The following PARD3B variants were observed in gnomAD, a reference collection of about 807,000 sequenced individuals.
PARD3B encodes par-3 family cell polarity regulator beta.
A neutral mutation model predicts 130.2 loss-of-function variants in PARD3B; 103 were observed. The observed-to-expected ratio is 0.79, with a 90% CI of 0.67 to 0.93. The LOEUF is 0.93. PARD3B is among the 40% of genes least tolerant of loss of function. The pLI is 0.00. For synonymous variants in PARD3B, 583 were observed against 553.2 expected (o/e 1.05, Z -0.76); for missense variants, 1,609 against 1,499.2 (o/e 1.07, Z -1.21).
chr2:204,693,417 T>C, intron 2 of PARD3B, among the ~76,000 whole-genome samples: 1 of 152,028 alleles, frequency 6.6e-6, no homozygotes, highest in East Asian at 1.9e-4. Flanking sequence ...CTTGGCCCTG[T>C]TATTTGTCTA....
At chr2:205,605,431 A>G (rs1184390968) in intron 22 of PARD3B, among the ~76,000 whole-genome samples, 1 of 151,494 alleles carries the variant, frequency 6.6e-6, no homozygotes. Context: ...TGGTGGTGCT[A>G]TTGTTGTTGC....
chr2:204,778,197 C>T (rs1054443246), intron 2 of PARD3B, among the ~76,000 whole-genome samples: 3 of 151,236 alleles, frequency 2.0e-5, no homozygotes, highest in East Asian at 1.9e-4. Flanking sequence ...ATTCTGCTTC[C>T]TTGTGGTCTT....
intron 2 of PARD3B, among the ~76,000 whole-genome samples, chr2:204,778,328 T>A (rs1272351323): frequency 6.6e-6 from 1 of 152,016 alleles, no homozygotes; most frequent in African/African-American, 2.4e-5. Flanking sequence ...ACTTAGTCAC[T>A]TTTATGTTTT....
At chr2:205,447,711 C>T (rs187645507) in intron 20 of PARD3B, among the ~76,000 whole-genome samples, 1 of 152,308 alleles carries the variant, frequency 6.6e-6, no homozygotes, top group African/African-American at 2.4e-5. Flanking sequence ...CTAGCACCTT[C>T]AGTGGTCAAG....
At chr2:204,981,554 T>G (rs909585028) in intron 3 of PARD3B, among the ~76,000 whole-genome samples, 3 of 152,192 alleles carry the variant, frequency 2.0e-5, no homozygotes, top group Non-Finnish European at 4.4e-5. Context: ...AATCTAAAAT[T>G]CATGCATTAA....
At position 204,685,433 on chromosome 2, in the gene PARD3B, C is replaced by T. The variant is rs528046924; in HGVS notation, c.121-748C>T. ...ATAGCTATCCTGGAAATAGGCAGTA[C>T]GTAAGTAACTGAATGAGCTAGATTA... is the stretch of plus-strand genomic sequence containing the variant. On this transcript the variant is annotated intron_variant, in intron 1 of 22. Coordinates refer to ENST00000406610, the MANE Select transcript of PARD3B (RefSeq NM_001302769.2). Among the ~76,000 whole-genome samples the T allele has an allele frequency of 5.9e-5, 9 of 152,240 alleles. No homozygotes were observed. The South Asian group carries it at 1.5e-3, about 25-fold the overall frequency.
chr2:204,714,764 C>G (rs1472448286), intron 2 of PARD3B, among the ~76,000 whole-genome samples: 1 of 152,168 alleles, frequency 6.6e-6, no homozygotes. Context: ...CTATAATTTA[C>G]AAACACACCC....
intron 1 of PARD3B, among the ~76,000 whole-genome samples, chr2:204,667,973 A>C (rs1484785557): frequency 6.6e-6 from 1 of 152,192 alleles, no homozygotes; most frequent in Non-Finnish European, 1.5e-5. Flanking sequence ...AACATTGGTG[A>C]TTCTTGTATG....
chr2:204,618,624 C>A (rs1029426474), intron 1 of PARD3B, among the ~76,000 whole-genome samples: 4 of 152,106 alleles, frequency 2.6e-5, no homozygotes, highest in African/African-American at 9.7e-5. Context: ...AATAATAATG[C>A]TTAGGAGTAA....
chr2:204,954,664 A>G (rs1374692774), intron 2 of PARD3B, among the ~76,000 whole-genome samples: 2 of 152,144 alleles, frequency 1.3e-5, no homozygotes, highest in African/African-American at 2.4e-5. Context: ...AGCTGTCAAA[A>G]CTTGTGTTAT....
At chr2:205,311,939 G>A (rs543875600) in intron 18 of PARD3B, among the ~76,000 whole-genome samples, 13 of 152,224 alleles carry the variant, frequency 8.5e-5, no homozygotes, top group South Asian at 2.1e-4. Flanking sequence ...TTCTTAATGC[G>A]TGGCTCATAG....
chr2:205,501,160 A>T (rs1314392985), intron 21 of PARD3B, among the ~76,000 whole-genome samples: 1 of 152,132 alleles, frequency 6.6e-6, no homozygotes, highest in Admixed American at 6.6e-5. Context: ...TTCAGGATCC[A>T]CCACTGTTGG....
At chr2:205,333,206 C>T (rs769799481) in intron 18 of PARD3B, among the ~76,000 whole-genome samples, 5 of 152,032 alleles carry the variant, frequency 3.3e-5, no homozygotes, top group East Asian at 3.9e-4. Flanking sequence ...ATACTCTATA[C>T]GTACATTGTC....
chr2:204,751,100 A>G (rs144984943), intron 2 of PARD3B, among the ~76,000 whole-genome samples: 34 of 152,344 alleles, frequency 2.2e-4, no homozygotes, highest in African/African-American at 5.8e-4. Context: ...AGCAAGAGGT[A>G]GAAGAGCGTC....
Position 205,176,431 on chromosome 2 carries a change from C to A in PARD3B, c.1792-14C>A, listed in dbSNP as rs774800648. On this transcript the variant is annotated splice_polypyrimidine_tract_variant and intron_variant, in intron 12 of 22. Transcript: ENST00000406610. The surrounding 1 kb of genome is among the most constrained non-coding windows in gnomAD (Gnocchi z 5.3). ...ATTAAAAATGCAAATGTAATTTTTA[C>A]TTTTATCTCTTAGGATCCTGCAGAG... 6.3e-6 allele frequency: 10 copies of A among 1,581,202 alleles called. No individual in the cohort carries two copies. The Admixed American group carries it at 2.0e-4, about 31-fold the overall frequency.
chr2:205,292,083 G>A lies in PARD3B; in HGVS notation c.2186-8447G>A, dbSNP rs1424528261. Among the ~76,000 whole-genome samples, 2 of 152,266 alleles carry A rather than the reference G, an allele frequency of 1.3e-5. No homozygotes were observed. Among genetic ancestry groups the A allele is most frequent in the East Asian group, 3.9e-4 (2 of 5,168 alleles). ...TGGGTTCTATTCCTTGTGCTGTAGT[G>A]TCAAATTGCTTGGACACCCCAGGTA... On this transcript the variant is annotated intron_variant, in intron 16 of 22. Transcript: ENST00000406610. The surrounding 1 kb of genome is among the most constrained non-coding windows in gnomAD (Gnocchi z 5.3).
chr2:204,654,147 A>C (rs1348620881), intron 1 of PARD3B, among the ~76,000 whole-genome samples: 1 of 151,124 alleles, frequency 6.6e-6, no homozygotes, highest in Non-Finnish European at 1.5e-5. Context: ...AGAGTCTTAG[A>C]AAGGTGAGCT....
At chr2:205,608,999 T>G (rs2055125263) in intron 22 of PARD3B, among the ~76,000 whole-genome samples, 1 of 152,218 alleles carries the variant, frequency 6.6e-6, no homozygotes, top group South Asian at 2.1e-4. Context: ...CCCCCTCTTC[T>G]CATAACACAA....
rs1243239427 is a variant in PARD3B at position 205,263,537 on chromosome 2, C to A, written c.2185+17715C>A. Among the ~76,000 whole-genome samples, 1 of 150,978 alleles carries A rather than the reference C, an allele frequency of 6.6e-6. No homozygotes were observed. The highest frequency in any genetic ancestry group is 1.5e-5 in the Non-Finnish European group (1 of 67,604). On this transcript the variant is annotated intron_variant, in intron 16 of 22. Coordinates refer to ENST00000406610, the MANE Select transcript of PARD3B (RefSeq NM_001302769.2). This position sits in a 1 kb window ranked among gnomAD's most constrained non-coding sequence, Gnocchi z 4.0. ...CATGCAAAAAGAAAAGAAAAAATAA[C>A]CTCCGTCTATACCTTACACCATATA...
Sources: gnomAD v4.1 joint callset for allele counts (sites outside exome capture counted in the v4.1 genomes callset) on GRCh38, gnomAD v4.1.1 for gene constraint, Gnocchi (gnomAD v3.1) non-coding constraint, MANE v1.5 for transcripts, NCBI Gene and HGNC (gene_info 2026-07-23, HGNC 2026-07-21) for gene names.